The following VRK3 variants were observed in gnomAD, a reference collection of about 807,000 sequenced individuals.
VRK3 encodes VRK serine/threonine kinase 3.
In VRK3, 50 loss-of-function variants were observed where a neutral mutation model predicts 60.4. The observed-to-expected ratio is 0.83, with a 90% CI of 0.66 to 1.05. VRK3 has a LOEUF of 1.05. Ranked by LOEUF, VRK3 falls within the 50% of genes least tolerant of loss-of-function variation. The pLI, the probability that VRK3 is intolerant of heterozygous loss-of-function variation, is 0.00. For missense variants in VRK3, 549 were observed against 585.3 expected, an observed-to-expected ratio of 0.94 and a Z score of 0.64; for synonymous variants, 246 against 227.8, an observed-to-expected ratio of 1.08 and a Z score of -0.72.
In VRK3 at chr19:50,007,787, T is replaced by C. The variant is rs1020905276; in HGVS notation, c.329A>G (p.Gln110Arg). 6.2e-7 allele frequency: 1 copy of C among 1,614,182 alleles called. No homozygotes were observed. The highest frequency in any genetic ancestry group is 8.5e-7 in the Non-Finnish European group (1 of 1,180,024). ...CACCTGAGGGCTCTTCCTGGTCTTC[T>C]GAGGGCTGCTTTTGGGGGTTGGGGG... ...SRPPTPKSSP[Q>R]KTRKSPQVTR... is the part of the protein sequence containing the mutation. Residue 110 changes from glutamine (Q) to arginine (R), a missense_variant, in exon 5 of 15, where the codon CAG (glutamine) becomes CGG (arginine). By Grantham distance (43) the Gln-to-Arg change is conservative. Transcript: ENST00000316763.
intron 5 of VRK3, chr19:50,001,189 G>A: frequency 4.3e-6 from 1 of 231,934 alleles, no homozygotes; most frequent in Non-Finnish European, 8.5e-6. Context: ...CAATCACTGT[G>A]GTTTCTGTGC....
Position 49,977,492 on chromosome 19 carries a change from T to C in VRK3, c.*12-708A>G, listed in dbSNP as rs372040420. Among the ~76,000 whole-genome samples the C allele has an allele frequency of 1.9e-3, 296 of 152,178 alleles. 2 individuals carry two copies. Among genetic ancestry groups the C allele is most frequent in the African/African-American group, 6.8e-3 (283 of 41,528 alleles). On this transcript the variant is annotated intron_variant, in intron 14 of 14. Transcript: ENST00000316763. Reference sequence around the variant, plus strand: ...GTGAGGAAGGCACTGTGAGACACAGTGGCACTGACGACGGGAAGCCTGGGC... The same window carrying C: ...GTGAGGAAGGCACTGTGAGACACAGCGGCACTGACGACGGGAAGCCTGGGC...
Position 49,995,192 on chromosome 19 carries a change from T to C in VRK3, c.763A>G (p.Arg255Gly). Reference protein sequence around the residue: ...MGFGVHQDKYRFLVLPSLGRS... With the variant: ...MGFGVHQDKYGFLVLPSLGRS... Reference sequence around the variant, plus strand: ...CAAGCAGTGAGCAGAGCAGCTCACCTGTATTTGTCCTGGTGAACACCGAAA... The same window carrying C: ...CAAGCAGTGAGCAGAGCAGCTCACCCGTATTTGTCCTGGTGAACACCGAAA... The change falls in exon 8 of 15, where the codon AGG becomes GGG. Residue 255 changes from arginine to glycine, a missense_variant and splice_region_variant. Arg to Gly is a moderately radical substitution (Grantham distance 125, BLOSUM62 -2). Coordinates refer to ENST00000316763, the MANE Select transcript of VRK3 (RefSeq NM_016440.4). The C allele has an allele frequency of 6.2e-7, 1 of 1,613,974 alleles. No homozygotes were observed. The highest frequency in any genetic ancestry group is 8.5e-7 in the Non-Finnish European group (1 of 1,179,856).
chr19:50,024,414 C>T (rs553963741), intron 1 of VRK3, among the ~76,000 whole-genome samples: 1 of 152,262 alleles, frequency 6.6e-6, no homozygotes, highest in South Asian at 2.1e-4. Context: ...GTTGGCCTGC[C>T]AAGTAAGTTG....
At chr19:49,992,734 G>T in intron 10 of VRK3, 126 bp downstream of exon 10, 1 of 777,302 alleles carries the variant, frequency 1.3e-6, no homozygotes, top group Non-Finnish European at 2.0e-6. Context: ...ATTTGAAGGA[G>T]CTCTTTATAT....
intron 12 of VRK3, among the ~76,000 whole-genome samples, chr19:49,984,546 C>G (rs1295751257): frequency 1.3e-5 from 2 of 152,226 alleles, no homozygotes; most frequent in South Asian, 4.1e-4. Flanking sequence ...ATTGGGGCTG[C>G]GTCTGCCCGA....
In VRK3 at chr19:49,976,722, A is replaced by G. The variant is rs1194914017; in HGVS notation, c.*74T>C. 6.6e-6 allele frequency: 1 copy of G among 152,098 alleles called. No homozygotes were observed. The highest frequency in any genetic ancestry group is 2.4e-5 in the African/African-American group (1 of 41,178). The allele number at this position is 152,098 out of a possible 1,614,324, so 9.4% of individuals were successfully genotyped here. ...TCTAGAAGCTTATCTGTGATTAAAC[A>G]GCAGGCCTTGAGTCACATTACTTCA... On this transcript the variant is annotated 3_prime_UTR_variant, in exon 15 of 15. Coordinates refer to ENST00000316763, the MANE Select transcript of VRK3 (RefSeq NM_016440.4).
chr19:49,992,129 C>T (rs945202550), intron 10 of VRK3, among the ~76,000 whole-genome samples: 7 of 152,166 alleles, frequency 4.6e-5, no homozygotes, highest in Admixed American at 2.6e-4. Flanking sequence ...GCATTTTGGC[C>T]GGGCACGGTG....
In VRK3 at chr19:49,979,249, T is replaced by C; in HGVS notation, c.1277-7A>G. 1 of 1,613,900 alleles carries C rather than the reference T, an allele frequency of 6.2e-7. No homozygotes were observed. The highest frequency in any genetic ancestry group is 8.5e-7 in the Non-Finnish European group (1 of 1,179,972). On this transcript the variant is annotated splice_region_variant and splice_polypyrimidine_tract_variant and intron_variant, in intron 13 of 14. Transcript: ENST00000316763. The stretch of plus-strand genomic sequence containing the variant: ...AGGTACTTCTGCAGGGTCTCTGTGG[T>C]CAAGACAACCCCCAGCAAGGGAGAG...
At chr19:49,980,206 G>A (rs1206331935) in intron 13 of VRK3, among the ~76,000 whole-genome samples, 2 of 152,084 alleles carry the variant, frequency 1.3e-5, no homozygotes, top group Non-Finnish European at 2.9e-5. Flanking sequence ...AAGACAACAG[G>A]AAAAACAAAC....
intron 1 of VRK3, among the ~76,000 whole-genome samples, chr19:50,022,964 C>CA (rs60002760): frequency 0.052 from 7,967 of 152,174 alleles, 688 homozygotes; most frequent in African/African-American, 0.18. Context: ...CCTCTCCCAC[C>CA]TCTCCCCTTG....
chr19:50,011,177 C>T (rs2076989096), intron 3 of VRK3, among the ~76,000 whole-genome samples: 1 of 152,138 alleles, frequency 6.6e-6, no homozygotes, highest in Non-Finnish European at 1.5e-5. Context: ...CAGCAAACAG[C>T]CCCAGGACAA....
At chr19:49,978,895 T>G in intron 14 of VRK3, 188 bp downstream of exon 14, 1 of 494,248 alleles carries the variant, frequency 2.0e-6, no homozygotes, top group Non-Finnish European at 3.4e-6. Context: ...TTGAGCCGGG[T>G]TTCTGCTACT....
chr19:50,016,720 G>A (rs1449508606), intron 2 of VRK3, among the ~76,000 whole-genome samples: 1 of 152,192 alleles, frequency 6.6e-6, no homozygotes, highest in African/African-American at 2.4e-5. Flanking sequence ...GCATCTCTCT[G>A]AGCTAATTCC....
intron 5 of VRK3, among the ~76,000 whole-genome samples, chr19:50,005,864 G>A (rs1342375628): frequency 1.3e-5 from 2 of 149,696 alleles, no homozygotes; most frequent in East Asian, 3.8e-4. Context: ...CAGTGGACTG[G>A]GGGAAGAATC....
At chr19:50,000,898 A>G (rs774383667) in intron 5 of VRK3, 44 bp from the exon 6 acceptor site, 1 of 1,574,236 alleles carries the variant, frequency 6.4e-7, no homozygotes, top group South Asian at 1.1e-5. Context: ...ACCACGCGGA[A>G]GGTCAGGGTC....
At chr19:49,997,897 A>C in intron 6 of VRK3, 1 of 202,780 alleles carries the variant, frequency 4.9e-6, no homozygotes, top group Non-Finnish European at 1.0e-5. Context: ...GGATGTGAGC[A>C]GAAGAAATGT....
At chr19:50,014,220 T>C (rs539479019) in intron 3 of VRK3, among the ~76,000 whole-genome samples, 1 of 151,902 alleles carries the variant, frequency 6.6e-6, no homozygotes, top group East Asian at 1.9e-4. Flanking sequence ...TGAGCTGAGA[T>C]TGGGGCCACT....
At chr19:49,981,264 TG>T in intron 12 of VRK3, 1 of 528,482 alleles carries the variant, frequency 1.9e-6, no homozygotes, top group East Asian at 3.3e-5. Context: ...CACCTTGTTT[TG>T]GCCGGGCACA....
Sources: allele counts gnomAD v4.1 joint callset (sites outside exome capture counted in the v4.1 genomes callset), GRCh38; gene constraint gnomAD v4.1.1; transcripts MANE v1.5; gene names NCBI Gene and HGNC (gene_info 2026-07-23, HGNC 2026-07-21).